Variants in TENM3 observed in about 807,000 individuals in gnomAD.
TENM3 encodes teneurin-3.
A neutral mutation model predicts 255.1 loss-of-function variants in TENM3; 63 were observed. The ratio of observed to expected loss-of-function variants is 0.25; its 90% confidence interval spans 0.20 to 0.30. The LOEUF is 0.30. TENM3 is among the 10% of genes least tolerant of loss of function. The pLI is 1.00. For missense variants in TENM3, 2,929 were observed against 3,461.1 expected, an observed-to-expected ratio of 0.85 and a Z score of 3.86; for synonymous variants, 1,306 against 1,322.3, an observed-to-expected ratio of 0.99 and a Z score of 0.27.
At chr4:182,279,854 G>A (rs544717447) in intron 1 of TENM3, among the ~76,000 whole-genome samples, 4 of 152,086 alleles carry the variant, frequency 2.6e-5, no homozygotes, top group Non-Finnish European at 4.4e-5. Flanking sequence ...GCCTCTGCTG[G>A]GCCCTAAGGG....
At chr4:181,900,660 A>G in the TENM3 span, among the ~76,000 whole-genome samples, 96 of 152,282 alleles carry the variant, frequency 6.3e-4, no homozygotes, top group Non-Finnish European at 1.2e-3. Flanking sequence ...AATAAATTCA[A>G]TTCCACAAGC....
At chr4:181,843,697 C>A in the TENM3 span, among the ~76,000 whole-genome samples, 1 of 150,664 alleles carries the variant, frequency 6.6e-6, no homozygotes, top group East Asian at 2.0e-4. Context: ...AGTGAGGCAC[C>A]GCCTCTGGTA....
chr4:181,957,052 G>C, the TENM3 span, among the ~76,000 whole-genome samples: 3 of 152,046 alleles, frequency 2.0e-5, no homozygotes, highest in African/African-American at 7.2e-5. Context: ...TTTGCTTGTT[G>C]ATTTCAGTTG....
intron 1 of TENM3, among the ~76,000 whole-genome samples, chr4:182,160,368 A>T (rs1751059439): frequency 6.6e-6 from 1 of 152,206 alleles, no homozygotes; most frequent in South Asian, 2.1e-4. Flanking sequence ...GGTTAGAATG[A>T]CCTAACGAGA....
the TENM3 span, among the ~76,000 whole-genome samples, chr4:181,541,730 T>A: frequency 6.6e-6 from 1 of 152,196 alleles, no homozygotes; most frequent in African/African-American, 2.4e-5. Context: ...GGATGTCTCA[T>A]CAGAACACAG....
chr4:182,681,851 G>A lies in TENM3; in HGVS notation c.1872G>A (p.Val624=). The change falls in exon 11 of 28, where the codon GTG becomes GTA. Residue 624 remains valine (V), a synonymous_variant. Transcript: ENST00000511685. ...CIDPGCSNHG[V]CIHGECHCSP... ...ACCCTGGGTGTTCTAATCATGGTGTGTGTATCCACGGGGAATGTCACTGCA... is the reference window on the plus strand; with the variant it reads ...ACCCTGGGTGTTCTAATCATGGTGTATGTATCCACGGGGAATGTCACTGCA... 5 of 1,613,802 alleles carry A rather than the reference G, an allele frequency of 3.1e-6. No homozygotes were observed. The highest frequency in any genetic ancestry group is 4.2e-6 in the Non-Finnish European group (5 of 1,179,798).
intron 1 of TENM3, among the ~76,000 whole-genome samples, chr4:182,278,780 T>C (rs1410968221): frequency 6.6e-6 from 1 of 151,886 alleles, no homozygotes; most frequent in Admixed American, 6.6e-5. Flanking sequence ...TCAATAGAGA[T>C]GAAAATTGGT....
At chr4:181,624,517 T>C in the TENM3 span, among the ~76,000 whole-genome samples, 2 of 152,328 alleles carry the variant, frequency 1.3e-5, no homozygotes, top group Admixed American at 1.3e-4. Context: ...GCTATGTTTA[T>C]GAGCTCACTT....
chr4:182,481,741 G>A (rs148779315), intron 3 of TENM3, among the ~76,000 whole-genome samples: 171 of 152,332 alleles, frequency 1.1e-3, no homozygotes, highest in African/African-American at 3.4e-3. Context: ...GTTTCAGTGA[G>A]CCGAGATGGT....
At chr4:181,506,023 G>A in the TENM3 span, among the ~76,000 whole-genome samples, 25,171 of 152,064 alleles carry the variant, frequency 0.17, 2,403 homozygotes, top group African/African-American at 0.26. Flanking sequence ...GATAAAAAAC[G>A]TTTTACTTTT....
At chr4:182,092,287 A>G in the TENM3 span, among the ~76,000 whole-genome samples, 13 of 152,256 alleles carry the variant, frequency 8.5e-5, no homozygotes, top group Non-Finnish European at 1.3e-4. Flanking sequence ...GTGAGTTGAG[A>G]TGGCGCCACT....
the TENM3 span, among the ~76,000 whole-genome samples, chr4:182,027,574 T>TC: frequency 2.6e-5 from 4 of 151,360 alleles, no homozygotes; most frequent in Non-Finnish European, 4.4e-5. Flanking sequence ...GGCTTTCCTT[T>TC]TTTTTTTCTA....
chr4:182,698,537 C>T (rs1473109832), intron 12 of TENM3, among the ~76,000 whole-genome samples: 2 of 152,228 alleles, frequency 1.3e-5, no homozygotes, highest in African/African-American at 4.8e-5. Flanking sequence ...GTGTAACCGT[C>T]AGGAAAAGTC....
Position 182,667,735 on chromosome 4 carries a change from T to C in TENM3, c.1112-5270T>C, listed in dbSNP as rs141298940. ...TCTTCTGCAGTTGAAAAGCATTCTT[T>C]GTAGAACACTTGGACACAGGAAGGG... On this transcript the variant is annotated intron_variant, in intron 6 of 27. Transcript: ENST00000511685. Among the ~76,000 whole-genome samples the C allele has an allele frequency of 4.0e-5, 6 of 150,596 alleles. No homozygotes were observed. The East Asian group carries it at 1.2e-3, about 30-fold the overall frequency.
intron 1 of TENM3, among the ~76,000 whole-genome samples, chr4:182,200,159 C>T (rs910775944): frequency 8.6e-5 from 13 of 151,914 alleles, no homozygotes; most frequent in Non-Finnish European, 1.3e-4. Context: ...ACATAGGGGG[C>T]GGAACAACAT....
chr4:182,718,225 G>C (rs1400349372), intron 13 of TENM3, among the ~76,000 whole-genome samples: 1 of 152,088 alleles, frequency 6.6e-6, no homozygotes, highest in African/African-American at 2.4e-5. Context: ...AGATAGAGTT[G>C]CACCCAGGTG....
intron 13 of TENM3, among the ~76,000 whole-genome samples, chr4:182,727,074 G>T (rs1374070832): frequency 1.3e-5 from 2 of 152,118 alleles, no homozygotes; most frequent in South Asian, 2.1e-4. Flanking sequence ...AAACTATTTT[G>T]TCAGTTCTCC....
the TENM3 span, among the ~76,000 whole-genome samples, chr4:181,950,016 G>A: frequency 5.1e-3 from 776 of 151,778 alleles, 9 homozygotes; most frequent in African/African-American, 0.018. Context: ...CCATCACATC[G>A]CCTGTGACTT....
chr4:182,102,605 C>T, the TENM3 span, among the ~76,000 whole-genome samples: 1 of 152,138 alleles, frequency 6.6e-6, no homozygotes, highest in African/African-American at 2.4e-5. Flanking sequence ...TTCTGAATCA[C>T]GTGTCTGTGG....
Sources: allele counts gnomAD v4.1 joint callset (sites outside exome capture counted in the v4.1 genomes callset), GRCh38; gene constraint gnomAD v4.1.1; transcripts MANE v1.5; gene names NCBI Gene and HGNC (gene_info 2026-07-23, HGNC 2026-07-21).